ADAP1: variants seen among roughly 807,000 people sequenced by gnomAD.
ADAP1 encodes the protein arf-GAP with dual PH domain-containing protein 1.
ADAP1 carries 31 observed loss-of-function variants against 54.9 expected under a neutral mutation model. That is an observed-to-expected ratio of 0.56 (90% CI 0.42 to 0.76). The LOEUF (loss-of-function observed/expected upper bound fraction) is 0.76. Among genes scored for constraint, ADAP1 ranks in the 30% least tolerant of loss-of-function variants. ADAP1 has a pLI of 0.00. For missense variants in ADAP1, 535 were observed against 512.4 expected, an observed-to-expected ratio of 1.04 and a Z score of -0.42; for synonymous variants, 313 against 202.6, an observed-to-expected ratio of 1.55 and a Z score of -4.63.
intron 5 of ADAP1, among the ~76,000 whole-genome samples, chr7:904,742 G>A (rs1041978316): frequency 7.2e-5 from 11 of 152,086 alleles, no homozygotes; most frequent in African/African-American, 2.7e-4. Context: ...AGGAAAACTA[G>A]GGGCTTTCTG....
intron 5 of ADAP1, among the ~76,000 whole-genome samples, 196 bp from the exon 6 acceptor site, chr7:904,468 G>A (rs752392856): frequency 2.6e-5 from 4 of 152,226 alleles, no homozygotes; most frequent in African/African-American, 7.2e-5. Flanking sequence ...AGGAGTGATG[G>A]GGACCTCAAC....
intron 4 of ADAP1, among the ~76,000 whole-genome samples, chr7:907,909 G>GAGCCGTCTGCCGAGC (rs1389598386): frequency 6.6e-6 from 1 of 151,758 alleles, no homozygotes; most frequent in Non-Finnish European, 1.5e-5. Context: ...GTCTGCCGAG[G>GAGCCGTCTGCCGAGC]AGCCGTCTGC....
chr7:955,376 C>T, upstream of ADAP1: 1 of 1,550,230 alleles, frequency 6.5e-7, no homozygotes, highest in Non-Finnish European at 8.7e-7. Context: ...AGGGTTAATG[C>T]AGTACACCCG....
At chr7:951,995 G>A (rs1329990237) in intron 1 of ADAP1, among the ~76,000 whole-genome samples, 3 of 152,172 alleles carry the variant, frequency 2.0e-5, no homozygotes, top group East Asian at 1.9e-4. Flanking sequence ...TTGGCAGGCA[G>A]CTCCAAGGAT....
rs772396215 is a variant in ADAP1, at chr7:899,407, GCTC to G, written c.867+9_867+11del. The G allele has an allele frequency of 9.3e-6, 15 of 1,612,744 alleles. No individual in the cohort carries two copies. In the Admixed American group the frequency reaches 1.3e-4, roughly 14 times the overall value. On this transcript the variant is annotated intron_variant, in intron 9 of 10. Coordinates refer to ENST00000265846, the MANE Select transcript of ADAP1 (RefSeq NM_006869.4). ...GCTGCCCTCCCGTGCTGGGGCCACA[GCTC>G]CTCCTTACCAGGGGGTCTTTGAAGT...
intron 2 of ADAP1, chr7:927,433 C>T (rs1306344526): frequency 2.1e-6 from 1 of 482,340 alleles, no homozygotes. Context: ...AGAGGTTCTG[C>T]TTGCTATGCT....
chr7:926,717 G>C lies in ADAP1; in HGVS notation c.214-73C>G. On this transcript the variant is annotated intron_variant, in intron 2 of 10. Transcript: ENST00000265846. This position sits in a 1 kb window ranked among gnomAD's most constrained non-coding sequence, Gnocchi z 4.6. ...GCCTAGGAGGTGCCAGCTGCCCTTG[G>C]GGCCGTCACCACAGTGACCCGCAGA... 2 of 1,272,210 alleles carry C rather than the reference G, an allele frequency of 1.6e-6. No individual in the cohort carries two copies. Among genetic ancestry groups the C allele is most frequent in the Non-Finnish European group, 2.1e-6 (2 of 937,552 alleles). 78.8% of individuals were successfully genotyped at this position (1,272,210 alleles called of 1,614,324 possible).
intron 7 of ADAP1, 32 bp downstream of exon 7, chr7:900,501 G>A (rs756913810): frequency 6.7e-5 from 96 of 1,437,548 alleles, no homozygotes; most frequent in South Asian, 9.5e-5. Flanking sequence ...ACCCCTGTCT[G>A]CCCTGGAGCT....
intron 4 of ADAP1, among the ~76,000 whole-genome samples, chr7:912,242 C>CTAGA (rs1845754221): frequency 6.6e-6 from 1 of 152,096 alleles, no homozygotes; most frequent in Non-Finnish European, 1.5e-5. Context: ...CAGGAAGCCC[C>CTAGA]GCGTCTCAGC....
At chr7:927,859 C>CA (rs1269127693) in intron 2 of ADAP1, among the ~76,000 whole-genome samples, 1 of 150,936 alleles carries the variant, frequency 6.6e-6, no homozygotes, top group Non-Finnish European at 1.5e-5. Flanking sequence ...TAATAATTGC[C>CA]AAAAAACAGC....
intron 1 of ADAP1, among the ~76,000 whole-genome samples, chr7:935,808 C>T (rs1365080476): frequency 6.6e-6 from 1 of 152,140 alleles, no homozygotes; most frequent in African/African-American, 2.4e-5. Context: ...CACAGGAGCC[C>T]ATGCCCCGGG....
chr7:927,001 C>T (rs1192373566), intron 2 of ADAP1: 34 of 1,259,736 alleles, frequency 2.7e-5, no homozygotes, highest in Non-Finnish European at 1.0e-6. Flanking sequence ...CCTGTGACCC[C>T]CATCTCTGCC....
chr7:906,669 G>A lies in ADAP1; in HGVS notation c.389-1497C>T, dbSNP rs55912566. Among the ~76,000 whole-genome samples the A allele has an allele frequency of 5.0e-3, 516 of 104,094 alleles. 20 individuals carry two copies. The highest frequency in any genetic ancestry group is 0.017 in the East Asian group (35 of 2,042). The allele number at this position is 104,094 out of a possible 152,430, so 68.3% of individuals were successfully genotyped here. A position where few individuals can be genotyped will look rare whatever the true frequency, so the allele number is the denominator to read the frequency against. On this transcript the variant is annotated intron_variant, in intron 4 of 10. Transcript: ENST00000265846. The stretch of plus-strand genomic sequence containing the variant: ...GAAAGGAGAAAGGGGGCGGGAAAGG[G>A]GACATGGACAGGGGACACGGGGGAC...
intron 4 of ADAP1, among the ~76,000 whole-genome samples, chr7:906,503 G>GGGAAA (rs1845356578): frequency 3.6e-3 from 4 of 1,108 alleles, no homozygotes; most frequent in African/African-American, 0.012. Flanking sequence ...AAAGGAGAAA[G>GGGAAA]GGAGAAAGGA....
intron 6 of ADAP1, chr7:900,888 C>CGAA (rs370585752): frequency 0.039 from 23,201 of 594,444 alleles, 550 homozygotes; most frequent in Non-Finnish European, 0.048. Flanking sequence ...GCCGAAGGGC[C>CGAA]GGGCCGGGCC....
At chr7:916,835 G>A (rs1397593898) in intron 4 of ADAP1, among the ~76,000 whole-genome samples, 1 of 152,128 alleles carries the variant, frequency 6.6e-6, no homozygotes, top group Admixed American at 6.5e-5. Flanking sequence ...CTGGGGAGGT[G>A]CCTTGCTCAG....
At chr7:921,810 G>A (rs1384370278) in intron 3 of ADAP1, among the ~76,000 whole-genome samples, 1 of 152,230 alleles carries the variant, frequency 6.6e-6, no homozygotes, top group African/African-American at 2.4e-5. Context: ...AAGGCCGCAT[G>A]TGTGGAAGCC....
At chr7:915,932 G>A (rs1845916420) in intron 4 of ADAP1, among the ~76,000 whole-genome samples, 1 of 146,110 alleles carries the variant, frequency 6.8e-6, no homozygotes, top group African/African-American at 2.5e-5. Flanking sequence ...CTTTCCACGA[G>A]ATGCCGTCTG....
Position 920,117 on chromosome 7 carries a change from T to G in ADAP1, c.306-67A>C. On this transcript the variant is annotated intron_variant, in intron 3 of 10. Coordinates refer to ENST00000265846, the MANE Select transcript of ADAP1 (RefSeq NM_006869.4). The surrounding 1 kb of genome is among the most constrained non-coding windows in gnomAD (Gnocchi z 4.5). ...CTCCGACCCAGCACACGCCGCTCTC[T>G]GGCCCGGACCCTGGACATCTCAAGA... 1.4e-6 allele frequency: 2 copies of G among 1,465,066 alleles called. No individual in the cohort carries two copies. Among genetic ancestry groups the G allele is most frequent in the Non-Finnish European group, 1.9e-6 (2 of 1,068,674 alleles). The allele number at this position is 1,465,066 out of a possible 1,614,324, so 90.8% of individuals were successfully genotyped here.
Sources: gnomAD v4.1 joint callset for allele counts (sites outside exome capture counted in the v4.1 genomes callset) on GRCh38, gnomAD v4.1.1 for gene constraint, Gnocchi (gnomAD v3.1) non-coding constraint, MANE v1.5 for transcripts, NCBI Gene and HGNC (gene_info 2026-07-23, HGNC 2026-07-21) for gene names.